PLCB1: variants seen among roughly 807,000 people sequenced by gnomAD.
The protein encoded by PLCB1 is phospholipase C beta 1, also known as 1-phosphatidylinositol 4,5-bisphosphate phosphodiesterase beta-1.
Under a neutral mutation model 161.8 loss-of-function variants are expected in PLCB1, and 46 were observed. The ratio of observed to expected loss-of-function variants is 0.28; its 90% CI spans 0.22 to 0.36. PLCB1 has a LOEUF of 0.36. PLCB1 is among the 10% of genes least tolerant of loss of function. The pLI is 1.00. For missense variants in PLCB1, 1,016 were observed against 1,472.5 expected (o/e 0.69, Z 5.07); for synonymous variants, 517 against 503.7 (o/e 1.03, Z -0.35).
At chr20:8,757,277 G>T in intron 24 of PLCB1, 99 bp downstream of exon 24, 1 of 1,287,548 alleles carries the variant, frequency 7.8e-7, no homozygotes, top group Non-Finnish European at 1.1e-6. Flanking sequence ...AAAGCATCAA[G>T]TGGGGAAAGA....
chr20:8,541,609 G>GAAAGAAAGAAAGAAAA (rs1192850084), intron 3 of PLCB1, among the ~76,000 whole-genome samples: 2 of 57,764 alleles, frequency 3.5e-5, no homozygotes, highest in African/African-American at 8.6e-5. Flanking sequence ...AGAAAGAAAG[G>GAAAGAAAGAAAGAAAA]AAGGAAGATA....
intron 2 of PLCB1, among the ~76,000 whole-genome samples, chr20:8,312,523 T>C (rs1401961520): frequency 6.6e-6 from 1 of 152,162 alleles, no homozygotes; most frequent in Non-Finnish European, 1.5e-5. Flanking sequence ...AATTAGGTGT[T>C]GGCTATGTTA....
chr20:8,749,660 T>C (rs1459959079), intron 23 of PLCB1, among the ~76,000 whole-genome samples: 2 of 152,158 alleles, frequency 1.3e-5, no homozygotes, highest in South Asian at 2.1e-4. Flanking sequence ...TATATACATA[T>C]ATTAAAGTTT....
chr20:8,320,798 GAAGA>G lies in PLCB1; in HGVS notation c.178-50568_178-50565del, dbSNP rs143431395. The stretch of plus-strand genomic sequence containing the variant: ...CTTGTAATATTAGGACAGAAAGAAA[GAAGA>G]AAGAAAGAAAGAAAGGGAGGGAGGG... On this transcript the variant is annotated intron_variant, in intron 2 of 31. Transcript: ENST00000338037. 6.1e-3 allele frequency among the ~76,000 whole-genome samples: 765 copies of G among 125,536 alleles called. 2 individuals carry two copies. The highest frequency in any genetic ancestry group is 0.015 in the Admixed American group (167 of 11,084). 82.4% of individuals were successfully genotyped at this position (125,536 alleles called of 152,430 possible).
intron 31 of PLCB1, among the ~76,000 whole-genome samples, chr20:8,880,288 C>T (rs1282624994): frequency 6.6e-6 from 1 of 152,064 alleles, no homozygotes. Flanking sequence ...AGCACAGCTC[C>T]CTACCAGACA....
In PLCB1 at chr20:8,514,596, C is replaced by G. The variant is rs946765702; in HGVS notation, c.247-113698C>G. ...AGAGGCTGAGAAGAAAACAGATTAT[C>G]TACCGTAATAAAGCAAGAAACCCAA... On this transcript the variant is annotated intron_variant, in intron 3 of 31. Coordinates refer to ENST00000338037, the MANE Select transcript of PLCB1 (RefSeq NM_015192.4). 2.0e-5 allele frequency among the ~76,000 whole-genome samples: 3 copies of G among 152,038 alleles called. No individual in the cohort carries two copies. In the East Asian group the frequency reaches 5.8e-4, roughly 29 times the overall value.
intron 11 of PLCB1, among the ~76,000 whole-genome samples, chr20:8,705,200 C>CAGAGTTGA (rs1248986969): frequency 6.6e-6 from 1 of 152,132 alleles, no homozygotes; most frequent in East Asian, 1.9e-4. Flanking sequence ...GCTACAAAGG[C>CAGAGTTGA]AGAGTTGAAC....
chr20:8,316,957 G>A (rs2662996), intron 2 of PLCB1, among the ~76,000 whole-genome samples: 6 of 132,026 alleles, frequency 4.5e-5, no homozygotes, highest in Admixed American at 7.9e-5. Flanking sequence ...ACCCACCCCC[G>A]GCCCAGATAC....
chr20:8,350,080 CTT>C (rs1986134588), intron 2 of PLCB1, among the ~76,000 whole-genome samples: 1 of 152,050 alleles, frequency 6.6e-6, no homozygotes, highest in African/African-American at 2.4e-5. Flanking sequence ...CTTGAAATTT[CTT>C]TTCTTCAACT....
chr20:8,243,261 C>T lies in PLCB1; in HGVS notation c.177+92890C>T, dbSNP rs142849898. ...ACTGATTCTGGAACCTACTTTAAAG[C>T]TTGTGCTAGGCAAATGGCCGATGAT... is the stretch of plus-strand genomic sequence containing the variant. On this transcript the variant is annotated intron_variant, in intron 2 of 31. Coordinates refer to ENST00000338037, the MANE Select transcript of PLCB1 (RefSeq NM_015192.4). Among the ~76,000 whole-genome samples the T allele has an allele frequency of 6.8e-3, 1,036 of 152,118 alleles. 7 individuals are homozygous for T. Among genetic ancestry groups the T allele is most frequent in the Non-Finnish European group, 0.012 (791 of 67,932 alleles).
chr20:8,215,431 C>T (rs751577854), intron 2 of PLCB1, among the ~76,000 whole-genome samples: 5 of 151,970 alleles, frequency 3.3e-5, no homozygotes, highest in Non-Finnish European at 7.4e-5. Context: ...CATGTCGCCT[C>T]GCAAGCCAGA....
intron 9 of PLCB1, among the ~76,000 whole-genome samples, chr20:8,676,561 C>T (rs80193135): frequency 0.033 from 5,096 of 152,292 alleles, 124 homozygotes; most frequent in Middle Eastern, 0.065. Flanking sequence ...TTCACTCTAT[C>T]CTGGCAAGAG....
chr20:8,253,015 G>A (rs1224416569), intron 2 of PLCB1, among the ~76,000 whole-genome samples: 1 of 151,922 alleles, frequency 6.6e-6, no homozygotes, highest in Non-Finnish European at 1.5e-5. Flanking sequence ...AAGTATTCCA[G>A]TTTGGATTAA....
At chr20:8,735,949 A>G (rs1980558007) in intron 19 of PLCB1, among the ~76,000 whole-genome samples, 1 of 152,192 alleles carries the variant, frequency 6.6e-6, no homozygotes, top group Non-Finnish European at 1.5e-5. Context: ...GACTTTACTC[A>G]GCCTTTGATA....
chr20:8,504,957 C>A (rs771796596), intron 3 of PLCB1, among the ~76,000 whole-genome samples: 3 of 152,164 alleles, frequency 2.0e-5, no homozygotes, highest in East Asian at 3.8e-4. Flanking sequence ...AGCTTGACCT[C>A]CTGGGCTCAA....
rs1177422378 is a variant in PLCB1 at position 8,884,859 on chromosome 20, C to T, written c.*3010C>T. 6.6e-6 allele frequency: 1 copy of T among 152,540 alleles called. No homozygotes were observed. The highest frequency in any genetic ancestry group is 1.5e-5 in the Non-Finnish European group (1 of 68,030). The allele number at this position is 152,540 out of a possible 1,614,324, so 9.4% of individuals were successfully genotyped here. The stretch of plus-strand genomic sequence containing the variant: ...TTCCACTTGTAATTTTATGTGCTTT[C>T]ATCACAAATCCAAAGGAAAGAATAA... On this transcript the variant is annotated 3_prime_UTR_variant, in exon 32 of 32. Transcript: ENST00000338037.
At chr20:8,648,034 T>A in intron 6 of PLCB1, 81 bp downstream of exon 6, 1 of 1,045,416 alleles carries the variant, frequency 9.6e-7, no homozygotes, top group East Asian at 2.5e-5. Context: ...GTTTTGTTTC[T>A]CCAGCAGCCT....
At position 8,387,501 on chromosome 20, in the gene PLCB1, C is replaced by G. The variant is rs533677436; in HGVS notation, c.246+16051C>G. 3.3e-5 allele frequency among the ~76,000 whole-genome samples: 5 copies of G among 152,178 alleles called. No individual in the cohort carries two copies. In the South Asian group the frequency reaches 1.0e-3, roughly 32 times the overall value. On this transcript the variant is annotated intron_variant, in intron 3 of 31. Transcript: ENST00000338037. ...TCCAAAACAATTACAATGGTAATAT[C>G]AAAGATCACTGATCACAGATCACCA...
chr20:8,716,087 GTGTA>G (rs1442475373), intron 12 of PLCB1, 173 bp from the exon 13 acceptor site: 11 of 608,404 alleles, frequency 1.8e-5, no homozygotes, highest in East Asian at 1.4e-4. Flanking sequence ...CTGTCCATCT[GTGTA>G]TGTTATTCAA....
Sources: gnomAD v4.1 joint callset for allele counts (sites outside exome capture counted in the v4.1 genomes callset) on GRCh38, gnomAD v4.1.1 for gene constraint, MANE v1.5 for transcripts, NCBI Gene and HGNC (gene_info 2026-07-23, HGNC 2026-07-21) for gene names.